The following SMIM3 variants were observed in gnomAD, a reference collection of about 807,000 sequenced individuals.
The protein encoded by SMIM3 is small integral membrane protein 3, also known as NGF-induced differentiation clone 67 protein.
Under a neutral mutation model 2.1 loss-of-function variants are expected in SMIM3, and 4 were observed. The observed-to-expected ratio is 1.89, with a 90% confidence interval of 0.93 to 4.31. The LOEUF is 4.31. Ranked by LOEUF, SMIM3 falls within the 30% of genes most tolerant of loss-of-function variation. SMIM3 has a pLI of 0.01. For synonymous variants in SMIM3, 29 were observed against 30.8 expected (o/e 0.94, Z 0.19); for missense variants, 79 against 77.7 (o/e 1.02, Z -0.06).
intron 1 of SMIM3, among the ~76,000 whole-genome samples, chr5:150,794,625 C>G (rs1753383472): frequency 6.6e-6 from 1 of 152,072 alleles, no homozygotes; most frequent in South Asian, 2.1e-4. Flanking sequence ...TATGAGGACG[C>G]AAAGGCATAA....
intron 1 of SMIM3, among the ~76,000 whole-genome samples, chr5:150,786,363 C>T (rs1449066176): frequency 6.6e-6 from 1 of 152,192 alleles, no homozygotes; most frequent in African/African-American, 2.4e-5. Flanking sequence ...TCATGGCTCA[C>T]TGTAGCCCTA....
In SMIM3 at chr5:150,795,450, G is replaced by C; in HGVS notation, c.10G>C (p.Val4Leu). 5 of 1,614,024 alleles carry C rather than the reference G, an allele frequency of 3.1e-6. No homozygotes were observed. The highest frequency in any genetic ancestry group is 4.2e-6 in the Non-Finnish European group (5 of 1,179,904). The change falls in exon 2 of 2, where the codon GTC becomes CTC. Residue 4 changes from valine to leucine, a missense_variant. By Grantham distance (32) the Val-to-Leu change is conservative (BLOSUM62 1). Transcript: ENST00000526627. ...TGCAGAGTGAAGCAACATGGATGCA[G>C]TCAGCCAAGTCCCCATGGAAGTCGT... The part of the protein sequence containing the change: MDA[V>L]SQVPMEVVLP...
At chr5:150,789,162 G>A (rs987611271) in intron 1 of SMIM3, among the ~76,000 whole-genome samples, 2 of 152,148 alleles carry the variant, frequency 1.3e-5, no homozygotes, top group Non-Finnish European at 2.9e-5. Flanking sequence ...CAATATATCT[G>A]TGAGGCAAAT....
At chr5:150,783,910 C>A (rs1753262770) in intron 1 of SMIM3, among the ~76,000 whole-genome samples, 2 of 145,808 alleles carry the variant, frequency 1.4e-5, no homozygotes, top group Non-Finnish European at 1.5e-5. Context: ...AGGCTTTGAA[C>A]TCCCTTTTTT....
intron 1 of SMIM3, among the ~76,000 whole-genome samples, chr5:150,787,992 T>C (rs1445360667): frequency 6.6e-6 from 1 of 152,114 alleles, no homozygotes; most frequent in Non-Finnish European, 1.5e-5. Context: ...ATCATGATAA[T>C]ACTGAACCAA....
At chr5:150,790,541 C>G (rs563995480) in intron 1 of SMIM3, among the ~76,000 whole-genome samples, 29 of 152,174 alleles carry the variant, frequency 1.9e-4, no homozygotes, top group Non-Finnish European at 3.1e-4. Context: ...TCTGCAAGCT[C>G]GGCAGATAAT....
intron 1 of SMIM3, among the ~76,000 whole-genome samples, chr5:150,782,238 G>A (rs1753243398): frequency 6.6e-6 from 1 of 152,174 alleles, no homozygotes; most frequent in Non-Finnish European, 1.5e-5. Context: ...TGGACCAAAG[G>A]TCCCTGGTGA....
At position 150,795,946 on chromosome 5, in the gene SMIM3, G is replaced by A. The variant is rs143540366; in HGVS notation, c.*323G>A. 276 of 292,790 alleles carry A rather than the reference G, an allele frequency of 9.4e-4. 1 individual carries two copies. The highest frequency in any genetic ancestry group is 5.6e-3 in the African/African-American group (259 of 46,586). The allele number at this position is 292,790 out of a possible 1,614,324, so 18.1% of individuals were successfully genotyped here. ...AGGGTGTTATGCTGAATCCTGAGAAGCTTTCAAGAACCAGAGAACCTGATT... is the reference window on the plus strand; with the variant it reads ...AGGGTGTTATGCTGAATCCTGAGAAACTTTCAAGAACCAGAGAACCTGATT... On this transcript the variant is annotated 3_prime_UTR_variant, in exon 2 of 2. Transcript: ENST00000526627.
rs557905770 is a variant in SMIM3 at position 150,783,914 on chromosome 5, C to CTTT, written c.-12+4963_-12+4965dup. ...ACTAATGGCAGAGGCTTTGAACTCC[C>CTTT]TTTTTTTTTTTTTTTTTTTTTTTGA... On this transcript the variant is annotated intron_variant, in intron 1 of 1. Transcript: ENST00000526627. 8.9e-4 allele frequency among the ~76,000 whole-genome samples: 111 copies of CTTT among 124,294 alleles called. 1 individual carries two copies. The highest frequency in any genetic ancestry group is 2.4e-3 in the African/African-American group (72 of 29,782). 81.5% of individuals were successfully genotyped at this position (124,294 alleles called of 152,430 possible).
intron 1 of SMIM3, among the ~76,000 whole-genome samples, chr5:150,787,551 T>A (rs1016462235): frequency 1.3e-5 from 2 of 152,092 alleles, no homozygotes; most frequent in South Asian, 2.1e-4. Flanking sequence ...GTAGCTGTAG[T>A]GTAGTGGTAA....
chr5:150,780,160 A>G (rs73280108), intron 1 of SMIM3, among the ~76,000 whole-genome samples: 16,239 of 152,088 alleles, frequency 0.11, 1,354 homozygotes, highest in East Asian at 0.25. Context: ...CGGGAAGAAC[A>G]GGTACTCTGG....
Position 150,778,862 on chromosome 5 carries a change from C to T in SMIM3, c.-122C>T, listed in dbSNP as rs2113193594. On this transcript the variant is annotated 5_prime_UTR_variant, in exon 1 of 2. Transcript: ENST00000526627. ...CAGGAGCTGCCTAGGGCTGAGGTTCCAGGCCTGGGGGTCGCTTCCAGCTGC... is the reference window on the plus strand; with the variant it reads ...CAGGAGCTGCCTAGGGCTGAGGTTCTAGGCCTGGGGGTCGCTTCCAGCTGC... 1 of 487,940 alleles carries T rather than the reference C, an allele frequency of 2.0e-6. No individual in the cohort carries two copies. The highest frequency in any genetic ancestry group is 1.5e-5 in the South Asian group (1 of 65,630). 30.2% of individuals were successfully genotyped at this position (487,940 alleles called of 1,614,324 possible).
At chr5:150,780,784 G>A (rs941929062) in intron 1 of SMIM3, among the ~76,000 whole-genome samples, 8 of 152,138 alleles carry the variant, frequency 5.3e-5, no homozygotes, top group Admixed American at 2.0e-4. Context: ...AACATGCAAA[G>A]GAAATACCTC....
At chr5:150,789,576 G>A (rs901364561) in intron 1 of SMIM3, among the ~76,000 whole-genome samples, 1 of 152,128 alleles carries the variant, frequency 6.6e-6, no homozygotes, top group African/African-American at 2.4e-5. Flanking sequence ...GCAACTTGTG[G>A]CTTTCACACT....
At chr5:150,782,681 T>G (rs992233133) in intron 1 of SMIM3, among the ~76,000 whole-genome samples, 1 of 152,178 alleles carries the variant, frequency 6.6e-6, no homozygotes, top group Non-Finnish European at 1.5e-5. Flanking sequence ...TCAGAGGACA[T>G]CATGTTATTT....
At chr5:150,780,504 A>G (rs1481009612) in intron 1 of SMIM3, among the ~76,000 whole-genome samples, 2 of 152,216 alleles carry the variant, frequency 1.3e-5, no homozygotes, top group East Asian at 3.8e-4. Flanking sequence ...GAACTCTCCC[A>G]CAAGTGACCT....
chr5:150,788,770 T>C (rs1321980236), intron 1 of SMIM3, among the ~76,000 whole-genome samples: 3 of 152,164 alleles, frequency 2.0e-5, no homozygotes, highest in Non-Finnish European at 4.4e-5. Context: ...GACTTTTCCA[T>C]TGAATTGGCT....
chr5:150,788,169 T>G (rs1581622032), intron 1 of SMIM3, among the ~76,000 whole-genome samples: 1 of 152,142 alleles, frequency 6.6e-6, no homozygotes, highest in African/African-American at 2.4e-5. Context: ...ACTAGAAAAC[T>G]TGCCAAATGG....
At position 150,786,739 on chromosome 5, in the gene SMIM3, C is replaced by A. The variant is rs544644727; in HGVS notation, c.-12+7767C>A. Among the ~76,000 whole-genome samples the A allele has an allele frequency of 4.7e-4, 72 of 152,204 alleles. 1 individual carries two copies. Among genetic ancestry groups the A allele is most frequent in the African/African-American group, 1.6e-3 (68 of 41,518 alleles). On this transcript the variant is annotated intron_variant, in intron 1 of 1. Transcript: ENST00000526627. ...TGTCTGATGACTCCAATATCTGGAG[C>A]CCCGGTAGACTTTTTTTTCTATTGT...
Sources: allele counts gnomAD v4.1 joint callset (sites outside exome capture counted in the v4.1 genomes callset), GRCh38; gene constraint gnomAD v4.1.1; transcripts MANE v1.5; gene names NCBI Gene and HGNC (gene_info 2026-07-23, HGNC 2026-07-21).